Variants in ERBB4 observed in about 807,000 individuals in gnomAD.
ERBB4 encodes the protein receptor tyrosine-protein kinase erbB-4.
Under a neutral mutation model 158.0 loss-of-function variants are expected in ERBB4, and 42 were observed. The ratio of observed to expected loss-of-function variants is 0.27; its 90% CI spans 0.21 to 0.34. The LOEUF (loss-of-function observed/expected upper bound fraction) is 0.34, where lower values mean the gene tolerates loss of function less well. ERBB4 is among the 10% of genes least tolerant of loss of function. The pLI, the probability that ERBB4 is intolerant of heterozygous loss-of-function variation, is 1.00. For missense variants in ERBB4, 1,333 were observed against 1,624.1 expected (o/e 0.82, Z 3.08); for synonymous variants, 583 against 558.7 (o/e 1.04, Z -0.61).
chr2:211,989,690 T>C (rs2082024177), intron 2 of ERBB4, among the ~76,000 whole-genome samples: 1 of 151,942 alleles, frequency 6.6e-6, no homozygotes, highest in African/African-American at 2.4e-5. Context: ...ATTAGGCATA[T>C]TGATGATCCT....
rs1185538378 is a variant in ERBB4, at chr2:211,642,708, G to A, written c.1947-12114C>T. Among the ~76,000 whole-genome samples, 4 of 152,188 alleles carry A rather than the reference G, an allele frequency of 2.6e-5. No homozygotes were observed. In the East Asian group the frequency reaches 7.7e-4, roughly 29 times the overall value. On this transcript the variant is annotated intron_variant, in intron 16 of 27. Coordinates refer to ENST00000342788, the MANE Select transcript of ERBB4 (RefSeq NM_005235.3). The stretch of plus-strand genomic sequence containing the variant: ...TCATGAAAAGAAGTACTAAATAGCT[G>A]TTACATGAAGAAATAACTGGATGAA...
At chr2:211,563,623 T>G (rs1359955016) in intron 19 of ERBB4, among the ~76,000 whole-genome samples, 1 of 152,200 alleles carries the variant, frequency 6.6e-6, no homozygotes, top group Non-Finnish European at 1.5e-5. Flanking sequence ...TCATGTACTA[T>G]TATATCAATG....
At chr2:212,313,368 T>G (rs143643799) in intron 1 of ERBB4, among the ~76,000 whole-genome samples, 15 of 150,992 alleles carry the variant, frequency 9.9e-5, no homozygotes, top group African/African-American at 3.6e-4. Context: ...ATGGGCTTAT[T>G]TTGTGACAGC....
intron 20 of ERBB4, among the ~76,000 whole-genome samples, chr2:211,536,524 G>T (rs2066658946): frequency 1.3e-5 from 2 of 151,980 alleles, no homozygotes; most frequent in South Asian, 4.1e-4. Flanking sequence ...CTGGAGTCCA[G>T]AGATGCCTGA....
chr2:211,424,442 C>T, intron 22 of ERBB4, 141 bp from the exon 23 acceptor site: 1 of 643,496 alleles, frequency 1.6e-6, no homozygotes. Context: ...TCCATAAATT[C>T]CTGCATCCAT....
rs184044707 is a variant in ERBB4, at chr2:212,388,055, G to A, written c.82+150394C>T. ...AAGCAAATACCTTCTTGAATATGCCGTTAGAGAGAATATAATGCTTCTATA... is the reference window on the plus strand; with the variant it reads ...AAGCAAATACCTTCTTGAATATGCCATTAGAGAGAATATAATGCTTCTATA... On this transcript the variant is annotated intron_variant, in intron 1 of 27. Transcript: ENST00000342788. Among the ~76,000 whole-genome samples the A allele has an allele frequency of 1.9e-4, 29 of 152,118 alleles. 1 individual carries two copies. The East Asian group carries it at 5.0e-3, about 26-fold the overall frequency.
At chr2:212,264,285 C>T (rs1430250114) in intron 1 of ERBB4, among the ~76,000 whole-genome samples, 1 of 152,042 alleles carries the variant, frequency 6.6e-6, no homozygotes, top group Non-Finnish European at 1.5e-5. Flanking sequence ...GAAAAGCTCT[C>T]GTTGGTCATA....
At chr2:211,394,823 C>A (rs1030106886) in intron 25 of ERBB4, among the ~76,000 whole-genome samples, 22 of 152,006 alleles carry the variant, frequency 1.4e-4, no homozygotes, top group Admixed American at 4.6e-4. Context: ...AAGACAAAAA[C>A]CCCACAGACC....
intron 20 of ERBB4, among the ~76,000 whole-genome samples, chr2:211,487,101 C>G (rs1204762497): frequency 6.6e-6 from 1 of 150,528 alleles, no homozygotes; most frequent in Non-Finnish European, 1.5e-5. Flanking sequence ...CACCCATTAA[C>G]TCGTCATTTA....
At chr2:212,446,585 A>ATC (rs2092354320) in intron 1 of ERBB4, among the ~76,000 whole-genome samples, 2 of 19,974 alleles carry the variant, frequency 1.0e-4, no homozygotes, top group South Asian at 1.7e-3. Context: ...TCCCATATAT[A>ATC]TATATGTATA....
rs142798146 is a variant in ERBB4 at position 212,302,402 on chromosome 2, A to G, written c.83-177499T>C. Among the ~76,000 whole-genome samples, 373 of 151,616 alleles carry G rather than the reference A, an allele frequency of 2.5e-3. 2 individuals carry two copies. Among genetic ancestry groups the G allele is most frequent in the African/African-American group, 8.6e-3 (358 of 41,506 alleles). The stretch of plus-strand genomic sequence containing the variant: ...TTATATAAAATCTCCTTGTTGTATA[A>G]TATCTACTCTAGCAGTGTTCAGTAT... On this transcript the variant is annotated intron_variant, in intron 1 of 27. Transcript: ENST00000342788.
chr2:211,731,075 T>C (rs2074413075), intron 5 of ERBB4, among the ~76,000 whole-genome samples: 1 of 151,924 alleles, frequency 6.6e-6, no homozygotes. Context: ...GGGAGGGAAA[T>C]TACCTATATT....
At chr2:212,343,424 T>C (rs918936163) in intron 1 of ERBB4, among the ~76,000 whole-genome samples, 2 of 152,208 alleles carry the variant, frequency 1.3e-5, no homozygotes, top group Non-Finnish European at 2.9e-5. Context: ...GCTAAAATGA[T>C]AGGAATAACA....
At chr2:212,321,680 T>C (rs1410743387) in intron 1 of ERBB4, among the ~76,000 whole-genome samples, 3 of 150,506 alleles carry the variant, frequency 2.0e-5, no homozygotes, top group African/African-American at 4.8e-5. Context: ...GAGAGCAAGA[T>C]TCTTTCTCAA....
chr2:211,945,996 T>A (rs2080678034), intron 3 of ERBB4, among the ~76,000 whole-genome samples: 2 of 152,068 alleles, frequency 1.3e-5, no homozygotes, highest in South Asian at 4.1e-4. Flanking sequence ...CTAATTTCAA[T>A]CGTTCAATTG....
At chr2:211,631,816 C>G (rs2070143927) in intron 16 of ERBB4, among the ~76,000 whole-genome samples, 1 of 152,110 alleles carries the variant, frequency 6.6e-6, no homozygotes, top group Admixed American at 6.5e-5. Flanking sequence ...AACTTCCTGC[C>G]TGCTCATGCT....
intron 1 of ERBB4, among the ~76,000 whole-genome samples, chr2:212,458,448 G>C (rs899152299): frequency 2.0e-5 from 3 of 152,066 alleles, no homozygotes; most frequent in Non-Finnish European, 4.4e-5. Flanking sequence ...AAAGAAAACT[G>C]AGAAACCCAA....
chr2:212,100,353 G>A (rs1359828450), intron 2 of ERBB4, among the ~76,000 whole-genome samples: 2 of 152,308 alleles, frequency 1.3e-5, no homozygotes, highest in African/African-American at 4.8e-5. Flanking sequence ...CCAAGATTCT[G>A]CTCTAATATT....
chr2:212,128,645 A>G (rs778592158), intron 1 of ERBB4, among the ~76,000 whole-genome samples: 1 of 152,192 alleles, frequency 6.6e-6, no homozygotes, highest in Non-Finnish European at 1.5e-5. Context: ...AAAGGATTAA[A>G]TTCTAGTTGT....
Sources: gnomAD v4.1 joint callset for allele counts (sites outside exome capture counted in the v4.1 genomes callset) on GRCh38, gnomAD v4.1.1 for gene constraint, MANE v1.5 for transcripts, NCBI Gene and HGNC (gene_info 2026-07-23, HGNC 2026-07-21) for gene names.